The following LDHC variants were observed in gnomAD, a reference collection of about 807,000 sequenced individuals.
LDHC encodes L-lactate dehydrogenase C chain.
Under a neutral mutation model 30.2 loss-of-function variants are expected in LDHC, and 20 were observed. That is an observed-to-expected ratio of 0.66 (90% CI 0.47 to 0.96). The LOEUF (loss-of-function observed/expected upper bound fraction) is 0.96, where lower values mean the gene tolerates loss of function less well. Among genes scored for constraint, LDHC ranks in the 40% least tolerant of loss-of-function variants. LDHC has a pLI of 0.00. For missense variants in LDHC, 362 were observed against 394.9 expected (o/e 0.92, Z 0.71); for synonymous variants, 139 against 132.7 (o/e 1.05, Z -0.32).
chr11:18,429,288 T>C (rs1017138697), intron 3 of LDHC, among the ~76,000 whole-genome samples: 1 of 152,062 alleles, frequency 6.6e-6, no homozygotes, highest in Non-Finnish European at 1.5e-5. Flanking sequence ...AATTTTTGTA[T>C]TTTTAGTAGA....
intron 2 of LDHC, among the ~76,000 whole-genome samples, chr11:18,413,853 G>A (rs1353775597): frequency 2.6e-5 from 4 of 152,078 alleles, no homozygotes; most frequent in East Asian, 1.9e-4. Flanking sequence ...ATATAGTTCC[G>A]TACTCTGTCA....
At chr11:18,434,651 TC>T in intron 4 of LDHC, 88 bp from the exon 5 acceptor site, 1 of 728,650 alleles carries the variant, frequency 1.4e-6, no homozygotes, top group Non-Finnish European at 2.4e-6. Context: ...TGTATTTGAC[TC>T]TAAAACAATT....
chr11:18,416,867 GATTGGAGTGGCTATTT>G (rs1370657362), intron 3 of LDHC, among the ~76,000 whole-genome samples: 1 of 150,594 alleles, frequency 6.6e-6, no homozygotes, highest in Non-Finnish European at 1.5e-5. Flanking sequence ...ATGTTGCCCA[GATTGGAGTGGCTATTT>G]ATTTACTTAT....
intron 3 of LDHC, 47 bp downstream of exon 3, chr11:18,415,348 TAATA>T (rs1416602909): frequency 1.0e-6 from 1 of 972,496 alleles, no homozygotes; most frequent in Admixed American, 2.0e-5. Context: ...TTTAAAAAAG[TAATA>T]AATTTTACCA....
intron 7 of LDHC, chr11:18,449,969 C>T (rs1055078992): frequency 2.0e-5 from 3 of 152,048 alleles, no homozygotes; most frequent in Non-Finnish European, 4.4e-5. Context: ...CAACCCCAGA[C>T]TCAGCCCCAA....
At chr11:18,432,785 A>G (rs1334871852) in intron 4 of LDHC, among the ~76,000 whole-genome samples, 1 of 151,984 alleles carries the variant, frequency 6.6e-6, no homozygotes, top group African/African-American at 2.4e-5. Flanking sequence ...TATCTACCCC[A>G]GCTCGCTTTT....
intron 3 of LDHC, among the ~76,000 whole-genome samples, chr11:18,428,876 GAA>G (rs35689913): frequency 0.016 from 2,187 of 135,500 alleles, 51 homozygotes; most frequent in Admixed American, 0.065. Context: ...CACTATCTCA[GAA>G]AAAAAAAAAA....
At chr11:18,438,243 G>C (rs1202906751) in intron 5 of LDHC, among the ~76,000 whole-genome samples, 3 of 152,174 alleles carry the variant, frequency 2.0e-5, no homozygotes, top group Admixed American at 2.0e-4. Flanking sequence ...AGAAACGAGA[G>C]AGAGGAGGTG....
Position 18,434,924 on chromosome 11 carries a change from A to T in LDHC, c.592+11A>T. ...ATGGTGATTCTAGTGGTAAGTATAA[A>T]TCTATTATTATTACGTGACTACCCT... On this transcript the variant is annotated intron_variant, in intron 5 of 7. Coordinates refer to ENST00000541669, the MANE Select transcript of LDHC (RefSeq NM_017448.5). 1 of 1,577,854 alleles carries T rather than the reference A, an allele frequency of 6.3e-7. No individual in the cohort carries two copies. Among genetic ancestry groups the T allele is most frequent in the Non-Finnish European group, 8.7e-7 (1 of 1,149,606 alleles).
At chr11:18,422,989 A>T (rs1848094700) in intron 3 of LDHC, among the ~76,000 whole-genome samples, 1 of 126,622 alleles carries the variant, frequency 7.9e-6, no homozygotes, top group South Asian at 2.9e-4. Context: ...CAAAACCAAA[A>T]AAAAGAAAAC....
At chr11:18,422,787 A>G (rs1300599402) in intron 3 of LDHC, among the ~76,000 whole-genome samples, 1 of 151,846 alleles carries the variant, frequency 6.6e-6, no homozygotes, top group Non-Finnish European at 1.5e-5. Context: ...GTTTAAGACC[A>G]GCCTGGGAAA....
chr11:18,445,093 T>G (rs1848533331), intron 6 of LDHC, among the ~76,000 whole-genome samples: 1 of 152,206 alleles, frequency 6.6e-6, no homozygotes, highest in African/African-American at 2.4e-5. Flanking sequence ...CATGAATATT[T>G]TCCATATTCA....
chr11:18,440,279 A>G (rs1848442590), intron 6 of LDHC, among the ~76,000 whole-genome samples: 1 of 151,990 alleles, frequency 6.6e-6, no homozygotes, highest in Non-Finnish European at 1.5e-5. Flanking sequence ...ACACCAGTGC[A>G]CTCCAGCCTG....
chr11:18,436,481 G>T (rs868775345), intron 5 of LDHC, among the ~76,000 whole-genome samples: 48 of 108,180 alleles, frequency 4.4e-4, no homozygotes, highest in East Asian at 2.5e-3. Flanking sequence ...ATAATACAAA[G>T]TTTTTTTTTT....
At chr11:18,439,549 G>A (rs1332226008) in intron 6 of LDHC, among the ~76,000 whole-genome samples, 3 of 105,698 alleles carry the variant, frequency 2.8e-5, no homozygotes, top group Non-Finnish European at 5.3e-5. Flanking sequence ...GGCAACAAGA[G>A]TGAAACTCCA....
intron 6 of LDHC, among the ~76,000 whole-genome samples, chr11:18,442,029 C>T (rs1404178263): frequency 6.6e-6 from 1 of 152,144 alleles, no homozygotes; most frequent in Non-Finnish European, 1.5e-5. Flanking sequence ...TTCCCCAGCA[C>T]AGGAAAGCGG....
At chr11:18,447,928 A>T (rs1848582737) in intron 7 of LDHC, among the ~76,000 whole-genome samples, 1 of 151,672 alleles carries the variant, frequency 6.6e-6, no homozygotes, top group Non-Finnish European at 1.5e-5. Context: ...GCACGCCTGT[A>T]GTCCTAGCTA....
chr11:18,442,571 T>G lies in LDHC; in HGVS notation c.711-3639T>G, dbSNP rs1265725086. 2.0e-5 allele frequency among the ~76,000 whole-genome samples: 3 copies of G among 152,300 alleles called. No individual in the cohort carries two copies. In the South Asian group the frequency reaches 6.2e-4, roughly 32 times the overall value. On this transcript the variant is annotated intron_variant, in intron 6 of 7. Coordinates refer to ENST00000541669, the MANE Select transcript of LDHC (RefSeq NM_017448.5). ...ATTCTTAACCAACTAGACTGTTTTTTTCCCCCCTCTATCATTTACTATCAC... is the reference window on the plus strand; with the variant it reads ...ATTCTTAACCAACTAGACTGTTTTTGTCCCCCCTCTATCATTTACTATCAC...
intron 3 of LDHC, among the ~76,000 whole-genome samples, chr11:18,428,924 A>G (rs1355975871): frequency 2.0e-5 from 3 of 151,698 alleles, no homozygotes; most frequent in Non-Finnish European, 4.4e-5. Context: ...AGTGCTTCAT[A>G]GTAGTGACAT....
Sources: gnomAD v4.1 joint callset for allele counts (sites outside exome capture counted in the v4.1 genomes callset) on GRCh38, gnomAD v4.1.1 for gene constraint, MANE v1.5 for transcripts, NCBI Gene and HGNC (gene_info 2026-07-23, HGNC 2026-07-21) for gene names.